The following ELOVL1 variants were observed in gnomAD, a reference collection of about 807,000 sequenced individuals.
ELOVL1 encodes the protein very long chain fatty acid elongase 1.
In ELOVL1, 10 loss-of-function variants were observed where a neutral mutation model predicts 37.8. That is an observed-to-expected ratio of 0.26 (90% CI 0.16 to 0.45). The LOEUF is 0.45. Ranked by LOEUF, ELOVL1 falls within the 20% of genes least tolerant of loss-of-function variation. The pLI is 1.00. For missense variants in ELOVL1, 256 were observed against 352.7 expected (o/e 0.73, Z 2.20); for synonymous variants, 133 against 123.8 (o/e 1.07, Z -0.49).
Position 43,363,850 on chromosome 1 carries a change from T to C in ELOVL1, c.*66A>G. ...TCACAGGTGTAGGTGGAGAGGGCAC[T>C]GACGGACACTGCCCTAAGGTGCAGT... On this transcript the variant is annotated 3_prime_UTR_variant, in exon 8 of 8. Transcript: ENST00000372458. 6.8e-7 allele frequency: 1 copy of C among 1,467,836 alleles called. No homozygotes were observed. The allele number at this position is 1,467,836 out of a possible 1,614,324, so 90.9% of individuals were successfully genotyped here.
intron 1 of ELOVL1, among the ~76,000 whole-genome samples, chr1:43,366,767 C>G (rs1470719546): frequency 1.3e-5 from 2 of 151,878 alleles, no homozygotes; most frequent in Admixed American, 1.3e-4. Flanking sequence ...TGGGGGAGGT[C>G]GCAGGAATCT....
intron 3 of ELOVL1, 64 bp from the exon 4 acceptor site, chr1:43,365,072 A>T: frequency 6.3e-7 from 1 of 1,592,724 alleles, no homozygotes; most frequent in South Asian, 1.1e-5. Flanking sequence ...CCCCTTCGCT[A>T]GCTGAGGACA....
Position 43,363,895 on chromosome 1 carries a change from C to A in ELOVL1, c.*21G>T. On this transcript the variant is annotated 3_prime_UTR_variant, in exon 8 of 8. Transcript: ENST00000372458. ...TGCAGTCCTGAGGCACTTAGGTGGG[C>A]GCCTATCTAGGCCATGCTTCTCAGT... The A allele has an allele frequency of 6.2e-7, 1 of 1,609,794 alleles. No homozygotes were observed. The highest frequency in any genetic ancestry group is 8.5e-7 in the Non-Finnish European group (1 of 1,177,906).
chr1:43,366,769 C>A (rs1647250280), intron 1 of ELOVL1, among the ~76,000 whole-genome samples: 2 of 152,004 alleles, frequency 1.3e-5, no homozygotes, highest in Admixed American at 1.3e-4. Flanking sequence ...GGGGAGGTCG[C>A]AGGAATCTTC....
chr1:43,364,829 C>T lies in ELOVL1; in HGVS notation c.319-35G>A. On this transcript the variant is annotated intron_variant, in intron 4 of 7. Transcript: ENST00000372458. This position sits in a 1 kb window ranked among gnomAD's most constrained non-coding sequence, Gnocchi z 5.2. ...GTTGGGATAGCCTTAGGACCTCATACACTATTCTAAGAGCCTCCCTAAACT... is the reference window on the plus strand; with the variant it reads ...GTTGGGATAGCCTTAGGACCTCATATACTATTCTAAGAGCCTCCCTAAACT... 1 of 1,614,174 alleles carries T rather than the reference C, an allele frequency of 6.2e-7. No individual in the cohort carries two copies. The highest frequency in any genetic ancestry group is 8.5e-7 in the Non-Finnish European group (1 of 1,180,024).
intron 1 of ELOVL1, 130 bp from the exon 2 acceptor site, chr1:43,365,753 G>C: frequency 1.0e-6 from 1 of 969,916 alleles, no homozygotes; most frequent in South Asian, 1.4e-5. Context: ...GTGAAAGGAA[G>C]GAATTACTGG....
At position 43,365,313 on chromosome 1, in the gene ELOVL1, G is replaced by A. The variant is rs1647213632; in HGVS notation, c.110C>T (p.Thr37Ile). 1 of 1,613,884 alleles carries A rather than the reference G, an allele frequency of 6.2e-7. No homozygotes were observed. Reference sequence around the variant, plus strand: ...AAGTGAGAGAACGAAGTACACGTAGGTCAGGAGAATGGAGGTCATTAGCAA... The same window carrying A: ...AAGTGAGAGAACGAAGTACACGTAGATCAGGAGAATGGAGGTCATTAGCAA... ...SPLLMTSILL[T>I]YVYFVLSLGP... Residue 37 changes from threonine (T) to isoleucine (I), a missense_variant, in exon 3 of 8, where the codon ACC (threonine) becomes ATC (isoleucine). Physicochemically the swap from Thr to Ile is moderately conservative, Grantham distance 89 (BLOSUM62 -1). This residue lies in a region of ELOVL1 where 158 missense variants were observed against 189.4 expected (regional missense o/e 0.83). Transcript: ENST00000372458.
At position 43,364,595 on chromosome 1, in the gene ELOVL1, A is replaced by G. The variant is rs1647200379; in HGVS notation, c.428T>C (p.Phe143Ser). Residue 143 changes from phenylalanine (F) to serine (S), a missense_variant, in exon 6 of 8, where the codon TTC (phenylalanine) becomes TCC (serine). Physicochemically the swap from Phe to Ser is radical, Grantham distance 155. Transcript: ENST00000372458. The surrounding 1 kb of genome is among the most constrained non-coding windows in gnomAD (Gnocchi z 5.2). ...KDGQVTFLHV[F>S]HHSVLPWSWW... ...GCTCCAGGGAAGCACAGAGTGATGG[A>G]AGACATGTAGGAAGGTCACCTGCCC... 1.2e-6 allele frequency: 2 copies of G among 1,614,146 alleles called. No individual in the cohort carries two copies. The highest frequency in any genetic ancestry group is 1.7e-6 in the Non-Finnish European group (2 of 1,180,016).
Position 43,363,896 on chromosome 1 carries a change from G to C in ELOVL1, c.*20C>G. On this transcript the variant is annotated 3_prime_UTR_variant, in exon 8 of 8. Coordinates refer to ENST00000372458, the MANE Select transcript of ELOVL1 (RefSeq NM_022821.4). ...GCAGTCCTGAGGCACTTAGGTGGGC[G>C]CCTATCTAGGCCATGCTTCTCAGTT... 1 of 1,610,262 alleles carries C rather than the reference G, an allele frequency of 6.2e-7. No individual in the cohort carries two copies. The highest frequency in any genetic ancestry group is 8.5e-7 in the Non-Finnish European group (1 of 1,178,278).
In ELOVL1 at chr1:43,365,220, G is replaced by C. The variant is rs775452198; in HGVS notation, c.203C>G (p.Ser68Ter). 6.2e-7 allele frequency: 1 copy of C among 1,614,202 alleles called. No individual in the cohort carries two copies. The highest frequency in any genetic ancestry group is 1.1e-5 in the South Asian group (1 of 91,088). ...AATGTAGAGGGAGAGTGCCACCAGTGAGAAGTTGTAGACAATCATGAAGCC... is the reference window on the plus strand; with the variant it reads ...AATGTAGAGGGAGAGTGCCACCAGTCAGAAGTTGTAGACAATCATGAAGCC... The part of the protein sequence containing the change: ...LRGFMIVYNF[S>*]LVALSLYIVY... Residue 68 changes from serine to a stop codon, truncating the protein, a stop_gained, in exon 3 of 8, where the codon TCA becomes TGA. Coordinates refer to ENST00000372458, the MANE Select transcript of ELOVL1 (RefSeq NM_022821.4). LOFTEE classifies it high-confidence loss of function.
chr1:43,365,106 G>A, intron 3 of ELOVL1, 80 bp downstream of exon 3: 2 of 1,601,320 alleles, frequency 1.2e-6, no homozygotes, highest in East Asian at 2.2e-5. Flanking sequence ...CTCTGGAAAG[G>A]AGAAATGCCA....
At position 43,364,632 on chromosome 1, in the gene ELOVL1, G is replaced by T. The variant is rs748852224; in HGVS notation, c.391C>A (p.Arg131=). Residue 131 remains arginine (R), a synonymous_variant, in exon 6 of 8, where the codon CGA becomes AGA. Transcript: ENST00000372458. This position sits in a 1 kb window ranked among gnomAD's most constrained non-coding sequence, Gnocchi z 5.2. ...ELMDTVIFIL[R]KKDGQVTFLH... Reference sequence around the variant, plus strand: ...AAGGTCACCTGCCCGTCTTTCTTTCGGAGAATAAAGATCACCTGAGAGAAG... The same window carrying T: ...AAGGTCACCTGCCCGTCTTTCTTTCTGAGAATAAAGATCACCTGAGAGAAG... The T allele has an allele frequency of 6.2e-7, 1 of 1,614,074 alleles. No homozygotes were observed. Among genetic ancestry groups the T allele is most frequent in the Non-Finnish European group, 8.5e-7 (1 of 1,180,010 alleles).
rs756111925 is a variant in ELOVL1, at chr1:43,364,621, G to A, written c.402C>T (p.Asp134=). 3.2e-5 allele frequency: 52 copies of A among 1,614,072 alleles called. No homozygotes were observed. Among genetic ancestry groups the A allele is most frequent in the Non-Finnish European group, 3.6e-5 (42 of 1,180,036 alleles). The change falls in exon 6 of 8, where the codon GAC becomes GAT. Residue 134 remains aspartate (D), a synonymous_variant. Transcript: ENST00000372458. This position sits in a 1 kb window ranked among gnomAD's most constrained non-coding sequence, Gnocchi z 5.2. The part of the protein sequence containing the change: ...DTVIFILRKK[D]GQVTFLHVFH... ...AGACATGTAGGAAGGTCACCTGCCCGTCTTTCTTTCGGAGAATAAAGATCA... is the reference window on the plus strand; with the variant it reads ...AGACATGTAGGAAGGTCACCTGCCCATCTTTCTTTCGGAGAATAAAGATCA...
chr1:43,363,856 A>G lies in ELOVL1; in HGVS notation c.*60T>C, dbSNP rs1301760932. 1 of 1,481,942 alleles carries G rather than the reference A, an allele frequency of 6.7e-7. No homozygotes were observed. Among genetic ancestry groups the G allele is most frequent in the Non-Finnish European group, 9.4e-7 (1 of 1,063,814 alleles). 91.8% of individuals were successfully genotyped at this position (1,481,942 alleles called of 1,614,324 possible). A position where few individuals can be genotyped will look rare whatever the true frequency, so the allele number is the denominator to read the frequency against. ...GTGTAGGTGGAGAGGGCACTGACGG[A>G]CACTGCCCTAAGGTGCAGTCCTGAG... On this transcript the variant is annotated 3_prime_UTR_variant, in exon 8 of 8. Coordinates refer to ENST00000372458, the MANE Select transcript of ELOVL1 (RefSeq NM_022821.4).
At chr1:43,365,093 C>T (rs1267743554) in intron 3 of ELOVL1, 85 bp from the exon 4 acceptor site, 1 of 1,596,776 alleles carries the variant, frequency 6.3e-7, no homozygotes, top group East Asian at 2.2e-5. Context: ...TGGATCTGAA[C>T]CTCTCTGGAA....
Position 43,363,734 on chromosome 1 carries a change from T to C in ELOVL1, c.*182A>G, listed in dbSNP as rs1647187475. Reference sequence around the variant, plus strand: ...CATCCCTGGAGCTGCCCGGGGGAAGTGGGTGAGGAACCAAAGCCGTGGTCC... The same window carrying C: ...CATCCCTGGAGCTGCCCGGGGGAAGCGGGTGAGGAACCAAAGCCGTGGTCC... On this transcript the variant is annotated 3_prime_UTR_variant, in exon 8 of 8. Transcript: ENST00000372458. 1 of 608,628 alleles carries C rather than the reference T, an allele frequency of 1.6e-6. No individual in the cohort carries two copies. The highest frequency in any genetic ancestry group is 1.8e-5 in the African/African-American group (1 of 54,070). 37.7% of individuals were successfully genotyped at this position (608,628 alleles called of 1,614,324 possible).
Position 43,364,150 on chromosome 1 carries a change from AAGAC to A in ELOVL1, c.619-17_619-14del, listed in dbSNP as rs1245789709. The A allele has an allele frequency of 3.7e-6, 6 of 1,613,886 alleles. No homozygotes were observed. Among genetic ancestry groups the A allele is most frequent in the Non-Finnish European group, 5.1e-6 (6 of 1,179,910 alleles). ...GGACAAACTGGATCTAGGATAGAGA[AAGAC>A]CAGGGTCAGAGGGAATAGTGAGAGG... On this transcript the variant is annotated splice_polypyrimidine_tract_variant and intron_variant, in intron 7 of 7. Transcript: ENST00000372458. The surrounding 1 kb of genome is among the most constrained non-coding windows in gnomAD (Gnocchi z 5.2).
intron 1 of ELOVL1, among the ~76,000 whole-genome samples, chr1:43,366,104 C>T (rs959126294): frequency 2.6e-5 from 4 of 152,068 alleles, no homozygotes; most frequent in Non-Finnish European, 5.9e-5. Context: ...CCCTCTGGAC[C>T]CTTCCTGAAC....
In ELOVL1 at chr1:43,363,541, C is replaced by T. The variant is rs1173446167; in HGVS notation, c.*375G>A. On this transcript the variant is annotated 3_prime_UTR_variant, in exon 8 of 8. Coordinates refer to ENST00000372458, the MANE Select transcript of ELOVL1 (RefSeq NM_022821.4). ...GTGGGGTGGAGGAGTGAGACTGGGT[C>T]CACAGTGACATTATTGCTGACCTCT... The T allele has an allele frequency of 2.7e-6, 1 of 374,880 alleles. No individual in the cohort carries two copies. The highest frequency in any genetic ancestry group is 4.9e-6 in the Non-Finnish European group (1 of 204,216). The allele number at this position is 374,880 out of a possible 1,614,324, so 23.2% of individuals were successfully genotyped here.
Sources: gnomAD v4.1 joint callset for allele counts (sites outside exome capture counted in the v4.1 genomes callset) on GRCh38, gnomAD v4.1.1 for gene constraint, gnomAD v4.1.1 regional missense constraint, Gnocchi (gnomAD v3.1) non-coding constraint, MANE v1.5 for transcripts, NCBI Gene and HGNC (gene_info 2026-07-23, HGNC 2026-07-21) for gene names.